The following ME3 variants were observed in gnomAD, a reference collection of about 807,000 sequenced individuals.
ME3 encodes the protein malic enzyme 3, also known as NADP-dependent malic enzyme, mitochondrial.
In ME3, 48 loss-of-function variants were observed where a neutral mutation model predicts 68.9. The observed-to-expected ratio is 0.70, with a 90% CI of 0.55 to 0.89. ME3 has a LOEUF of 0.89. Ranked by LOEUF, ME3 falls within the 40% of genes least tolerant of loss-of-function variation. The pLI is 0.00. For missense variants in ME3, 675 were observed against 797.4 expected (o/e 0.85, Z 1.85); for synonymous variants, 320 against 318.8 (o/e 1.00, Z -0.04).
At chr11:86,658,882 A>G (rs1032667560) in intron 2 of ME3, among the ~76,000 whole-genome samples, 3 of 152,132 alleles carry the variant, frequency 2.0e-5, no homozygotes, top group African/African-American at 7.2e-5. Flanking sequence ...ATGGCTATTA[A>G]TAGGTTTTTC....
At chr11:86,607,798 G>A (rs1961940160) in intron 2 of ME3, among the ~76,000 whole-genome samples, 1 of 151,598 alleles carries the variant, frequency 6.6e-6, no homozygotes, top group Admixed American at 6.6e-5. Context: ...GTCCTTGGTC[G>A]GACTCTGGAG....
intron 4 of ME3, among the ~76,000 whole-genome samples, chr11:86,528,016 A>C (rs1389855255): frequency 1.3e-5 from 2 of 152,224 alleles, no homozygotes; most frequent in Admixed American, 1.3e-4. Flanking sequence ...TATCAACCTT[A>C]AATGTAAATG....
intron 4 of ME3, among the ~76,000 whole-genome samples, chr11:86,541,178 C>T (rs1405222833): frequency 6.6e-6 from 1 of 152,200 alleles, no homozygotes; most frequent in African/African-American, 2.4e-5. Flanking sequence ...CCTACACCAC[C>T]AGAGCCCTAG....
chr11:86,626,385 C>T (rs1943665015), intron 2 of ME3, among the ~76,000 whole-genome samples: 1 of 152,202 alleles, frequency 6.6e-6, no homozygotes, highest in Admixed American at 6.5e-5. Flanking sequence ...CCTCCTGTGG[C>T]AACAGCTCAG....
chr11:86,530,468 T>C (rs1356515399), intron 4 of ME3, among the ~76,000 whole-genome samples: 1 of 152,200 alleles, frequency 6.6e-6, no homozygotes, highest in Non-Finnish European at 1.5e-5. Context: ...AAGCTACCAA[T>C]GACTTTCTTC....
At chr11:86,498,181 C>G in intron 5 of ME3, 57 bp from the exon 6 acceptor site, 1 of 1,547,764 alleles carries the variant, frequency 6.5e-7, no homozygotes, top group East Asian at 2.3e-5. Context: ...ACAGGGTGCT[C>G]ATTTTAGCAG....
chr11:86,596,722 T>C (rs1311260262), intron 2 of ME3, among the ~76,000 whole-genome samples: 1 of 152,244 alleles, frequency 6.6e-6, no homozygotes, highest in Non-Finnish European at 1.5e-5. Flanking sequence ...AAAGATTCAA[T>C]GACTTGGCCA....
At chr11:86,563,203 G>A (rs927295689) in intron 2 of ME3, among the ~76,000 whole-genome samples, 68 of 152,120 alleles carry the variant, frequency 4.5e-4, no homozygotes, top group African/African-American at 1.6e-3. Context: ...GGATTGCTGG[G>A]TCCAGTGGTA....
intron 8 of ME3, among the ~76,000 whole-genome samples, chr11:86,453,552 A>G (rs180982737): frequency 1.3e-5 from 2 of 152,314 alleles, no homozygotes; most frequent in African/African-American, 2.4e-5. Context: ...AGCATCATCC[A>G]TCTTGTTAGG....
chr11:86,610,807 T>C (rs1000382175), intron 2 of ME3, among the ~76,000 whole-genome samples: 2 of 152,198 alleles, frequency 1.3e-5, no homozygotes, highest in African/African-American at 4.8e-5. Context: ...TGAGGACTTG[T>C]TGCAACTCAA....
chr11:86,500,861 C>T (rs983147464), intron 5 of ME3, among the ~76,000 whole-genome samples: 2 of 152,108 alleles, frequency 1.3e-5, no homozygotes, highest in Non-Finnish European at 1.5e-5. Flanking sequence ...ATTTCTCCTT[C>T]CCCTGAATTG....
At chr11:86,452,874 A>T (rs959800299) in intron 8 of ME3, among the ~76,000 whole-genome samples, 1 of 152,222 alleles carries the variant, frequency 6.6e-6, no homozygotes, top group Non-Finnish European at 1.5e-5. Context: ...TCTTCCAGAG[A>T]TGACTAAAAT....
chr11:86,530,087 G>T (rs963162541), intron 4 of ME3, among the ~76,000 whole-genome samples: 3 of 152,066 alleles, frequency 2.0e-5, no homozygotes, highest in Middle Eastern at 3.4e-3. Flanking sequence ...AGATGACATT[G>T]TATATCTAGA....
chr11:86,664,506 G>T (rs1185414910), intron 2 of ME3, among the ~76,000 whole-genome samples: 2 of 152,130 alleles, frequency 1.3e-5, no homozygotes, highest in Non-Finnish European at 2.9e-5. Context: ...TCATCTTCAG[G>T]TTCCAGGAAC....
At chr11:86,620,135 G>A (rs1943250525) in intron 2 of ME3, among the ~76,000 whole-genome samples, 1 of 152,138 alleles carries the variant, frequency 6.6e-6, no homozygotes, top group African/African-American at 2.4e-5. Flanking sequence ...TTAGCACAGT[G>A]CCTGGCACGT....
At chr11:86,475,231 C>T (rs1167088638) in intron 7 of ME3, among the ~76,000 whole-genome samples, 1 of 152,118 alleles carries the variant, frequency 6.6e-6, no homozygotes, top group Non-Finnish European at 1.5e-5. Flanking sequence ...TGGGTACTGT[C>T]CTCGTGATAG....
At chr11:86,577,934 G>T (rs895010548) in intron 2 of ME3, among the ~76,000 whole-genome samples, 1 of 152,208 alleles carries the variant, frequency 6.6e-6, no homozygotes, top group Admixed American at 6.5e-5. Flanking sequence ...AACAACATTT[G>T]AGAATAATGG....
At chr11:86,517,430 A>G (rs1284107219) in intron 4 of ME3, among the ~76,000 whole-genome samples, 1 of 152,126 alleles carries the variant, frequency 6.6e-6, no homozygotes, top group Non-Finnish European at 1.5e-5. Flanking sequence ...AGGCATTGAG[A>G]TTTTAGGGTT....
intron 6 of ME3, among the ~76,000 whole-genome samples, chr11:86,495,548 G>A (rs1198570036): frequency 6.6e-6 from 1 of 152,232 alleles, no homozygotes; most frequent in African/African-American, 2.4e-5. Context: ...AACACAGCAG[G>A]AGGTGTTGGA....
Sources: gnomAD v4.1 joint callset for allele counts (sites outside exome capture counted in the v4.1 genomes callset) on GRCh38, gnomAD v4.1.1 for gene constraint, MANE v1.5 for transcripts, NCBI Gene and HGNC (gene_info 2026-07-23, HGNC 2026-07-21) for gene names.